Variants in RNF32 observed in about 807,000 individuals in gnomAD.
The protein encoded by RNF32 is ring finger protein 32.
In RNF32, 36 loss-of-function variants were observed where a neutral mutation model predicts 41.0. The ratio of observed to expected loss-of-function variants is 0.88; its 90% confidence interval spans 0.67 to 1.16. The LOEUF (loss-of-function observed/expected upper bound fraction) is 1.16. Among genes scored for constraint, RNF32 ranks in the 50% most tolerant of loss-of-function variants. The pLI is 0.00. For missense variants in RNF32, 413 were observed against 436.7 expected, an observed-to-expected ratio of 0.95 and a Z score of 0.48; for synonymous variants, 154 against 160.9, an observed-to-expected ratio of 0.96 and a Z score of 0.32.
intron 8 of RNF32, 26 bp downstream of exon 8, chr7:156,675,889 C>A: frequency 6.2e-7 from 1 of 1,604,756 alleles, no homozygotes; most frequent in Non-Finnish European, 8.5e-7. Context: ...AGCCTGGCAA[C>A]CAGCAGACTC....
At chr7:156,646,925 C>T (rs1798031361) in intron 3 of RNF32, among the ~76,000 whole-genome samples, 1 of 152,130 alleles carries the variant, frequency 6.6e-6, no homozygotes, top group South Asian at 2.1e-4. Flanking sequence ...GATCTTGGCC[C>T]ACTGCAACCT....
At position 156,643,819 on chromosome 7, in the gene RNF32, G is replaced by A. The variant is rs1797667727; in HGVS notation, c.-59G>A. ...TTTGCAGCAGAAGAATAGAAGGAAG[G>A]TGATAGGATGTGATGATAGAATTTG... On this transcript the variant is annotated 5_prime_UTR_variant, in exon 2 of 9. It adds an upstream start codon to the 5' untranslated region. Coordinates refer to ENST00000317955, the MANE Select transcript of RNF32 (RefSeq NM_030936.4). 1.3e-6 allele frequency: 2 copies of A among 1,501,634 alleles called. No homozygotes were observed. Among genetic ancestry groups the A allele is most frequent in the Non-Finnish European group, 1.9e-6 (2 of 1,078,634 alleles). 93.0% of individuals were successfully genotyped at this position (1,501,634 alleles called of 1,614,324 possible).
intron 7 of RNF32, among the ~76,000 whole-genome samples, chr7:156,665,804 A>G (rs1201543473): frequency 6.6e-6 from 1 of 152,180 alleles, no homozygotes; most frequent in Non-Finnish European, 1.5e-5. Flanking sequence ...GTCAGTGCCA[A>G]CTTTTTAAAC....
chr7:156,671,560 C>T (rs147268654), intron 7 of RNF32, among the ~76,000 whole-genome samples: 4 of 152,060 alleles, frequency 2.6e-5, no homozygotes, highest in African/African-American at 7.2e-5. Flanking sequence ...CAGATGTCAT[C>T]ATAGGTCGAG....
At chr7:156,656,526 A>G (rs751060698) in intron 4 of RNF32, among the ~76,000 whole-genome samples, 8 of 152,244 alleles carry the variant, frequency 5.3e-5, no homozygotes, top group South Asian at 4.1e-4. Flanking sequence ...ACTCTTGGCA[A>G]TAAGTTTCAA....
intron 7 of RNF32, among the ~76,000 whole-genome samples, chr7:156,673,419 A>G (rs998245748): frequency 1.3e-5 from 2 of 152,248 alleles, no homozygotes; most frequent in Admixed American, 1.3e-4. Context: ...ATTATTAGAT[A>G]TTTGAAAGGC....
intron 3 of RNF32, among the ~76,000 whole-genome samples, chr7:156,650,995 C>T (rs917915034): frequency 6.6e-6 from 1 of 152,182 alleles, no homozygotes; most frequent in Non-Finnish European, 1.5e-5. Context: ...TCTGGGGTCA[C>T]AGCCCCATGC....
intron 7 of RNF32, among the ~76,000 whole-genome samples, chr7:156,667,925 A>G (rs73741301): frequency 0.021 from 3,268 of 152,322 alleles, 123 homozygotes; most frequent in African/African-American, 0.075. Context: ...TTGACGTTTT[A>G]CTGAATTTTG....
chr7:156,666,142 T>C (rs919930954), intron 7 of RNF32, among the ~76,000 whole-genome samples: 1 of 152,196 alleles, frequency 6.6e-6, no homozygotes, highest in Non-Finnish European at 1.5e-5. Context: ...TTTTTAGACA[T>C]AGCTGATTAG....
chr7:156,663,704 C>G (rs1340145220), intron 7 of RNF32, among the ~76,000 whole-genome samples: 1 of 152,014 alleles, frequency 6.6e-6, no homozygotes, highest in Non-Finnish European at 1.5e-5. Context: ...AATTTGGCAA[C>G]TAAGATTCTT....
chr7:156,676,236 T>C (rs1031148134), intron 8 of RNF32, 183 bp from the exon 9 acceptor site: 3 of 1,490,668 alleles, frequency 2.0e-6, no homozygotes, highest in East Asian at 5.0e-5. Context: ...TAACAGAGTA[T>C]ATGTGTGTGT....
intron 3 of RNF32, 193 bp from the exon 4 acceptor site, chr7:156,654,383 G>A (rs1286180549): frequency 6.1e-6 from 3 of 493,672 alleles, no homozygotes; most frequent in Non-Finnish European, 1.1e-5. Context: ...TTCTATCAGG[G>A]ACTTGAGCAT....
chr7:156,640,606 C>A (rs1327657061), upstream of RNF32: 1 of 402,110 alleles, frequency 2.5e-6, no homozygotes. Context: ...GTGGACAGGG[C>A]GTGGTTGGCA....
intron 3 of RNF32, chr7:156,646,494 T>G: frequency 7.7e-7 from 1 of 1,299,034 alleles, no homozygotes; most frequent in South Asian, 1.2e-5. Flanking sequence ...TAAACCAGTA[T>G]GACCTCATCT....
chr7:156,643,779 T>G, intron 1 of RNF32, 22 bp from the exon 2 acceptor site: 1 of 1,134,666 alleles, frequency 8.8e-7, no homozygotes, highest in Non-Finnish European at 1.3e-6. Flanking sequence ...ACTTTGACTT[T>G]CTGTTGACCA....
At chr7:156,654,027 G>T (rs971958422) in intron 3 of RNF32, among the ~76,000 whole-genome samples, 6 of 152,042 alleles carry the variant, frequency 3.9e-5, no homozygotes, top group African/African-American at 1.4e-4. Context: ...ATTGGGAAAT[G>T]AAATAAGATA....
rs932571419 is a variant in RNF32 at position 156,669,528 on chromosome 7, G to C, written c.685-6168G>C. ...CATGTGGGAGGGGCAGGCTGGCAGAGTGTGAGCCGCTGGGCACAGGTGACC... is the reference window on the plus strand; with the variant it reads ...CATGTGGGAGGGGCAGGCTGGCAGACTGTGAGCCGCTGGGCACAGGTGACC... On this transcript the variant is annotated intron_variant, in intron 7 of 8. Coordinates refer to ENST00000317955, the MANE Select transcript of RNF32 (RefSeq NM_030936.4). The surrounding 1 kb of genome is among the most constrained non-coding windows in gnomAD (Gnocchi z 4.2). 6.6e-6 allele frequency among the ~76,000 whole-genome samples: 1 copy of C among 152,192 alleles called. No homozygotes were observed. The highest frequency in any genetic ancestry group is 2.4e-5 in the African/African-American group (1 of 41,454).
In RNF32 at chr7:156,670,981, C is replaced by G. The variant is rs1222277703; in HGVS notation, c.685-4715C>G. Among the ~76,000 whole-genome samples the G allele has an allele frequency of 6.6e-6, 1 of 152,088 alleles. No homozygotes were observed. Among genetic ancestry groups the G allele is most frequent in the Non-Finnish European group, 1.5e-5 (1 of 68,016 alleles). On this transcript the variant is annotated intron_variant, in intron 7 of 8. Coordinates refer to ENST00000317955, the MANE Select transcript of RNF32 (RefSeq NM_030936.4). The surrounding 1 kb of genome is among the most constrained non-coding windows in gnomAD (Gnocchi z 4.3). ...GTTAAAAGAGAGAGAGAGCTTATGA[C>G]AAAAATAACATAAAGCAGGAGAGGA... is the stretch of plus-strand genomic sequence containing the variant.
Position 156,658,552 on chromosome 7 carries a change from A to G in RNF32, c.666A>G (p.Lys222=). 6.2e-7 allele frequency: 1 copy of G among 1,611,780 alleles called. No individual in the cohort carries two copies. The highest frequency in any genetic ancestry group is 2.2e-5 in the East Asian group (1 of 44,880). ...CTCCCACAGATGCCAAGTTAAGAAA[A>G]AAATTCTTTGAAAAAAAGGTAGGTA... ...TVPPTDAKLR[K]KFFEKKFTEI... is the part of the protein sequence containing the mutation. Residue 222 remains lysine (K), a synonymous_variant, in exon 7 of 9, where the codon AAA becomes AAG. Transcript: ENST00000317955.
Sources: allele counts gnomAD v4.1 joint callset (sites outside exome capture counted in the v4.1 genomes callset), GRCh38; gene constraint gnomAD v4.1.1; non-coding constraint Gnocchi (gnomAD v3.1); transcripts MANE v1.5; gene names NCBI Gene and HGNC (gene_info 2026-07-23, HGNC 2026-07-21).